The following SEMA3D variants were observed in gnomAD, a reference collection of about 807,000 sequenced individuals.
SEMA3D encodes semaphorin-3D.
Under a neutral mutation model 100.1 loss-of-function variants are expected in SEMA3D, and 84 were observed. The observed-to-expected ratio is 0.84, with a 90% CI of 0.70 to 1.01. SEMA3D has a LOEUF of 1.01. Among genes scored for constraint, SEMA3D ranks in the 50% least tolerant of loss-of-function variants. SEMA3D has a pLI of 0.00. For missense variants in SEMA3D, 875 were observed against 934.1 expected (o/e 0.94, Z 0.82); for synonymous variants, 312 against 320.7 (o/e 0.97, Z 0.29).
chr7:85,034,360 A>C (rs185968962), intron 12 of SEMA3D, among the ~76,000 whole-genome samples: 1 of 152,104 alleles, frequency 6.6e-6, no homozygotes, highest in Non-Finnish European at 1.5e-5. Flanking sequence ...TAATCCCAGG[A>C]CTTTGGGAGG....
the SEMA3D span, among the ~76,000 whole-genome samples, chr7:85,222,858 T>A: frequency 6.6e-6 from 1 of 152,062 alleles, no homozygotes; most frequent in Non-Finnish European, 1.5e-5. Context: ...TTGAAAATTA[T>A]TTAAGTGTCA....
In SEMA3D at chr7:85,070,201, T is replaced by C. The variant is rs547374968; in HGVS notation, c.496-1917A>G. 4.5e-4 allele frequency among the ~76,000 whole-genome samples: 68 copies of C among 152,350 alleles called. 1 individual carries two copies. Among genetic ancestry groups the C allele is most frequent in the Admixed American group, 1.4e-3 (22 of 15,302 alleles). ...TATTAGAAGTTGTTGACAGCAGCACTGACTTCCTTCCTAAATTCCAGCTCC... is the reference window on the plus strand; with the variant it reads ...TATTAGAAGTTGTTGACAGCAGCACCGACTTCCTTCCTAAATTCCAGCTCC... On this transcript the variant is annotated intron_variant, in intron 6 of 18. Coordinates refer to ENST00000284136, the MANE Select transcript of SEMA3D (RefSeq NM_001384900.1).
At position 85,056,281 on chromosome 7, in the gene SEMA3D, C is replaced by T. The variant is rs189283192; in HGVS notation, c.719-422G>A. 4.1e-3 allele frequency among the ~76,000 whole-genome samples: 626 copies of T among 151,652 alleles called. 5 individuals carry two copies. The highest frequency in any genetic ancestry group is 0.015 in the African/African-American group (602 of 41,364). On this transcript the variant is annotated intron_variant, in intron 8 of 18. Transcript: ENST00000284136. ...ACTTTGATGAATTTTGTGTAATTGC[C>T]CTAGGGGTATAAAAATGGAAACAAC... is the stretch of plus-strand genomic sequence containing the variant.
intron 3 of SEMA3D, among the ~76,000 whole-genome samples, chr7:85,117,207 A>G (rs1211983374): frequency 1.3e-5 from 2 of 152,162 alleles, no homozygotes; most frequent in African/African-American, 4.8e-5. Context: ...ACTCCCTTGG[A>G]GAAACCTGAG....
the SEMA3D span, among the ~76,000 whole-genome samples, chr7:85,216,293 A>C: frequency 1.3e-5 from 2 of 152,098 alleles, no homozygotes; most frequent in Non-Finnish European, 2.9e-5. Flanking sequence ...TTGTTCTTTC[A>C]AGTAAAAATA....
the SEMA3D span, among the ~76,000 whole-genome samples, chr7:85,200,789 G>A: frequency 5.3e-5 from 8 of 152,162 alleles, no homozygotes; most frequent in African/African-American, 1.9e-4. Flanking sequence ...GAGGCTTGGG[G>A]GAAAAAATGG....
At chr7:85,221,305 G>T in the SEMA3D span, among the ~76,000 whole-genome samples, 8 of 151,964 alleles carry the variant, frequency 5.3e-5, no homozygotes, top group African/African-American at 1.9e-4. Flanking sequence ...AGAGATTTAG[G>T]TAACACTCTA....
the SEMA3D span, among the ~76,000 whole-genome samples, chr7:85,241,980 T>C: frequency 6.6e-6 from 1 of 151,950 alleles, no homozygotes; most frequent in Non-Finnish European, 1.5e-5. Context: ...TGTAAATTCA[T>C]ACAACCACTA....
At chr7:85,071,359 A>T (rs1025408833) in intron 6 of SEMA3D, among the ~76,000 whole-genome samples, 2 of 152,170 alleles carry the variant, frequency 1.3e-5, no homozygotes, top group Non-Finnish European at 2.9e-5. Flanking sequence ...CTGGTTAGAC[A>T]AGTTGGTTAG....
intron 1 of SEMA3D, among the ~76,000 whole-genome samples, chr7:85,164,874 A>T (rs1329361831): frequency 6.6e-6 from 1 of 152,144 alleles, no homozygotes; most frequent in Non-Finnish European, 1.5e-5. Context: ...AACAACAGGC[A>T]CTTAGAGATA....
intron 12 of SEMA3D, among the ~76,000 whole-genome samples, chr7:85,023,383 A>G (rs1399090613): frequency 1.3e-5 from 2 of 151,858 alleles, no homozygotes; most frequent in Non-Finnish European, 2.9e-5. Flanking sequence ...TTTTTCCAGA[A>G]AATATCACCT....
chr7:85,009,109 A>T (rs185956776), intron 17 of SEMA3D, among the ~76,000 whole-genome samples: 2 of 151,880 alleles, frequency 1.3e-5, no homozygotes, highest in Admixed American at 1.3e-4. Context: ...TAAAAGTTAT[A>T]TACCATAGTG....
At chr7:85,210,998 C>T in the SEMA3D span, among the ~76,000 whole-genome samples, 1 of 151,974 alleles carries the variant, frequency 6.6e-6, no homozygotes, top group Non-Finnish European at 1.5e-5. Context: ...AAATAAAAAT[C>T]ATCTTTCACT....
In SEMA3D at chr7:85,022,373, A is replaced by C. The variant is rs1054429724; in HGVS notation, c.1414+18T>G. ...GAAAAATTCCTTTTGAAAAAATCCT[A>C]ATCTAGTTTTAGCTTACCTGTTCCA... On this transcript the variant is annotated intron_variant, in intron 13 of 18. Transcript: ENST00000284136. 3.2e-6 allele frequency: 5 copies of C among 1,563,584 alleles called. No individual in the cohort carries two copies. Among genetic ancestry groups the C allele is most frequent in the Non-Finnish European group, 4.4e-6 (5 of 1,136,218 alleles).
At chr7:85,161,917 C>T (rs1790754097) in intron 1 of SEMA3D, among the ~76,000 whole-genome samples, 1 of 152,080 alleles carries the variant, frequency 6.6e-6, no homozygotes, top group Non-Finnish European at 1.5e-5. Context: ...ATCTGATGCA[C>T]AATAGAAAAC....
chr7:85,216,752 G>GT, the SEMA3D span, among the ~76,000 whole-genome samples: 1 of 151,714 alleles, frequency 6.6e-6, no homozygotes, highest in East Asian at 1.9e-4. Flanking sequence ...ATTTTTATGG[G>GT]TTTTACAATG....
At chr7:85,074,002 T>A (rs148300382) in intron 5 of SEMA3D, among the ~76,000 whole-genome samples, 3 of 152,234 alleles carry the variant, frequency 2.0e-5, no homozygotes, top group Admixed American at 6.5e-5. Flanking sequence ...GTATTTATTC[T>A]TGTTATTGTA....
At chr7:85,217,786 C>G in the SEMA3D span, among the ~76,000 whole-genome samples, 3 of 152,044 alleles carry the variant, frequency 2.0e-5, no homozygotes, top group Non-Finnish European at 4.4e-5. Flanking sequence ...CTCATTTATA[C>G]ATGGAGATAA....
At chr7:85,152,003 A>G (rs1250624387) in intron 2 of SEMA3D, among the ~76,000 whole-genome samples, 5 of 152,070 alleles carry the variant, frequency 3.3e-5, no homozygotes, top group African/African-American at 1.2e-4. Flanking sequence ...ATATATGAAA[A>G]AATTGTTTAA....
Sources: allele counts gnomAD v4.1 joint callset (sites outside exome capture counted in the v4.1 genomes callset), GRCh38; gene constraint gnomAD v4.1.1; transcripts MANE v1.5; gene names NCBI Gene and HGNC (gene_info 2026-07-23, HGNC 2026-07-21).